The following RTN4RL1 variants were observed in gnomAD, a reference collection of about 807,000 sequenced individuals.
The protein encoded by RTN4RL1 is reticulon-4 receptor-like 1.
RTN4RL1 carries 7 observed loss-of-function variants against 25.6 expected under a neutral mutation model. The ratio of observed to expected loss-of-function variants is 0.27; its 90% CI spans 0.16 to 0.51. The LOEUF (loss-of-function observed/expected upper bound fraction) is 0.51, where lower values mean the gene tolerates loss of function less well. Among genes scored for constraint, RTN4RL1 ranks in the 20% least tolerant of loss-of-function variants. RTN4RL1 has a pLI of 0.97. For missense variants in RTN4RL1, 500 were observed against 615.6 expected, an observed-to-expected ratio of 0.81 and a Z score of 1.99; for synonymous variants, 297 against 288.2, an observed-to-expected ratio of 1.03 and a Z score of -0.31.
intron 1 of RTN4RL1, among the ~76,000 whole-genome samples, chr17:1,948,198 T>C (rs1915598548): frequency 6.6e-6 from 1 of 152,178 alleles, no homozygotes; most frequent in Non-Finnish European, 1.5e-5. Flanking sequence ...CACTGACCTC[T>C]CTACTGGGCC....
chr17:1,989,168 G>A (rs1008011541), intron 1 of RTN4RL1, among the ~76,000 whole-genome samples: 9 of 152,124 alleles, frequency 5.9e-5, no homozygotes, highest in South Asian at 2.1e-4. Flanking sequence ...GGTTAGCGGC[G>A]GCGGGGGAAA....
intron 1 of RTN4RL1, among the ~76,000 whole-genome samples, chr17:2,004,177 G>C (rs1415717101): frequency 6.6e-6 from 1 of 151,702 alleles, no homozygotes; most frequent in Non-Finnish European, 1.5e-5. Context: ...GACCATCCTG[G>C]CTAACACGGT....
intron 1 of RTN4RL1, among the ~76,000 whole-genome samples, chr17:2,021,055 G>A (rs1348166968): frequency 6.6e-6 from 1 of 152,186 alleles, no homozygotes; most frequent in East Asian, 1.9e-4. Context: ...GAAGCAGGGA[G>A]GGCAGCTGCT....
In RTN4RL1 at chr17:1,935,709, GTGTATATATATATATATATATATATA is replaced by G. The variant is rs1915281721; in HGVS notation, c.*761_*786del. On this transcript the variant is annotated 3_prime_UTR_variant, in exon 2 of 2. Coordinates refer to ENST00000331238, the MANE Select transcript of RTN4RL1 (RefSeq NM_178568.4). Reference sequence around the variant, plus strand: ...GGAGTGGGAGGGGGACTGTGCATTTGTGTATATATATATATATATATATATATATATATATATATATATATGTAGAG... The same window carrying G: ...GGAGTGGGAGGGGGACTGTGCATTTGTATATATATATATATATATGTAGAG... 1 of 199,206 alleles carries G rather than the reference GTGTATATATATATATATATATATATA, an allele frequency of 5.0e-6. No individual in the cohort carries two copies. The highest frequency in any genetic ancestry group is 3.7e-5 in the African/African-American group (1 of 27,186). 12.3% of individuals were successfully genotyped at this position (199,206 alleles called of 1,614,324 possible).
rs1407040461 is a variant in RTN4RL1, at chr17:1,936,542, G to A, written c.1280C>T (p.Ala427Val). 5 of 1,554,208 alleles carry A rather than the reference G, an allele frequency of 3.2e-6. No homozygotes were observed. In the Admixed American group the frequency reaches 5.8e-5, roughly 18 times the overall value. ...CCCCAGTGTCCAGGCCAGGAGGGAGGCCCCCAGGGAACTGGCCGAGGAGGC... is the reference window on the plus strand; with the variant it reads ...CCCCAGTGTCCAGGCCAGGAGGGAGACCCCCAGGGAACTGGCCGAGGAGGC... ...QQASSASSLG[A>V]SLLAWTLGLA... Residue 427 changes from alanine (A) to valine (V), a missense_variant, in exon 2 of 2, where the codon GCC becomes GTC. Physicochemically the swap from Ala to Val is moderately conservative, Grantham distance 64. This residue lies in a region of RTN4RL1 where 268 missense variants were observed against 274.5 expected (regional missense o/e 0.98). Coordinates refer to ENST00000331238, the MANE Select transcript of RTN4RL1 (RefSeq NM_178568.4).
chr17:1,944,929 T>G (rs1454411212), intron 1 of RTN4RL1, among the ~76,000 whole-genome samples: 1 of 152,210 alleles, frequency 6.6e-6, no homozygotes, highest in Admixed American at 6.5e-5. Flanking sequence ...CACCCCTCTG[T>G]GGCTCCCATC....
intron 1 of RTN4RL1, among the ~76,000 whole-genome samples, chr17:1,939,092 C>G (rs1320547659): frequency 6.6e-6 from 1 of 151,414 alleles, no homozygotes; most frequent in African/African-American, 2.4e-5. Context: ...GTGGCTCACA[C>G]CTGTAGTCTC....
intron 1 of RTN4RL1, among the ~76,000 whole-genome samples, chr17:2,002,454 G>C (rs530575907): frequency 6.7e-6 from 1 of 150,268 alleles, no homozygotes; most frequent in Non-Finnish European, 1.5e-5. Flanking sequence ...CACCTCGCCT[G>C]GCTAATTTTT....
rs149627307 is a variant in RTN4RL1, at chr17:1,972,585, C to G, written c.14-34777G>C. ...CTCTGTCTCCACCCTAAGGTCAAGT[C>G]TCCCTTCTCCCTGGAGATTTCCTCG... On this transcript the variant is annotated intron_variant, in intron 1 of 1. Transcript: ENST00000331238. Among the ~76,000 whole-genome samples, 1,156 of 152,264 alleles carry G rather than the reference C, an allele frequency of 7.6e-3. 16 individuals carry two copies. Among genetic ancestry groups the G allele is most frequent in the African/African-American group, 0.025 (1,053 of 41,530 alleles).
chr17:2,016,133 C>T (rs997797814), intron 1 of RTN4RL1, among the ~76,000 whole-genome samples: 1 of 152,224 alleles, frequency 6.6e-6, no homozygotes, highest in Admixed American at 6.5e-5. Flanking sequence ...GTAATCCCAG[C>T]ACTTTGGGAG....
At chr17:2,007,656 T>C (rs1156991993) in intron 1 of RTN4RL1, among the ~76,000 whole-genome samples, 2 of 152,096 alleles carry the variant, frequency 1.3e-5, no homozygotes, top group African/African-American at 2.4e-5. Context: ...CCGTTAAAAC[T>C]GAGGCTTGGC....
At chr17:1,984,825 G>A (rs2066881169) in intron 1 of RTN4RL1, among the ~76,000 whole-genome samples, 2 of 152,038 alleles carry the variant, frequency 1.3e-5, no homozygotes, top group Non-Finnish European at 2.9e-5. Flanking sequence ...AAATTAGCCG[G>A]GCGTGGTAGC....
rs140007531 is a variant in RTN4RL1 at position 2,016,618 on chromosome 17, C to A, written c.13+8235G>T. On this transcript the variant is annotated intron_variant, in intron 1 of 1. Transcript: ENST00000331238. ...AAAGCCAGGGTTGCATACAGGGCTGCGGTGAGAGACGGAGTCTGGCAGCGT... is the reference window on the plus strand; with the variant it reads ...AAAGCCAGGGTTGCATACAGGGCTGAGGTGAGAGACGGAGTCTGGCAGCGT... Among the ~76,000 whole-genome samples the A allele has an allele frequency of 6.2e-3, 949 of 152,314 alleles. 4 individuals are homozygous for A. The highest frequency in any genetic ancestry group is 0.022 in the African/African-American group (910 of 41,566).
At chr17:1,977,698 C>A (rs1161371366) in intron 1 of RTN4RL1, among the ~76,000 whole-genome samples, 1 of 152,128 alleles carries the variant, frequency 6.6e-6, no homozygotes, top group Non-Finnish European at 1.5e-5. Context: ...TCTCCAACTT[C>A]TGAGGAGAGA....
chr17:1,958,822 C>A (rs188545548), intron 1 of RTN4RL1, among the ~76,000 whole-genome samples: 5 of 152,328 alleles, frequency 3.3e-5, no homozygotes, highest in Admixed American at 3.3e-4. Flanking sequence ...CTTTTCCCCC[C>A]AATAATGAGT....
chr17:1,984,941 T>C (rs1182250326), intron 1 of RTN4RL1, among the ~76,000 whole-genome samples: 1 of 151,014 alleles, frequency 6.6e-6, no homozygotes, highest in African/African-American at 2.4e-5. Flanking sequence ...CATTCCAGCC[T>C]GGGCAACAAG....
intron 1 of RTN4RL1, among the ~76,000 whole-genome samples, chr17:1,977,686 C>A (rs2066848564): frequency 6.6e-6 from 1 of 152,192 alleles, no homozygotes; most frequent in South Asian, 2.1e-4. Flanking sequence ...CAATGTCATC[C>A]GTCTCCAACT....
intron 1 of RTN4RL1, among the ~76,000 whole-genome samples, chr17:2,021,607 T>C (rs1187373874): frequency 8.0e-5 from 11 of 137,494 alleles, no homozygotes; most frequent in South Asian, 2.3e-4. Flanking sequence ...TGGGCTGGAG[T>C]GCAGTGGTGC....
intron 1 of RTN4RL1, among the ~76,000 whole-genome samples, chr17:1,982,817 G>A (rs578190378): frequency 6.6e-6 from 1 of 152,322 alleles, no homozygotes; most frequent in Non-Finnish European, 1.5e-5. Flanking sequence ...CCAGAGGAAG[G>A]AGGAATGGGG....
Sources: allele counts gnomAD v4.1 joint callset (sites outside exome capture counted in the v4.1 genomes callset), GRCh38; gene constraint gnomAD v4.1.1; regional missense constraint gnomAD v4.1.1; transcripts MANE v1.5; gene names NCBI Gene and HGNC (gene_info 2026-07-23, HGNC 2026-07-21).